NRXN3: variants seen among roughly 807,000 people sequenced by gnomAD.
NRXN3 encodes the protein neurexin III.
NRXN3 carries 32 observed loss-of-function variants against 137.6 expected under a neutral mutation model. That is an observed-to-expected ratio of 0.23 (90% CI 0.18 to 0.31). The LOEUF (loss-of-function observed/expected upper bound fraction) is 0.31. Ranked by LOEUF, NRXN3 falls within the 10% of genes least tolerant of loss-of-function variation. NRXN3 has a pLI of 1.00. For missense variants in NRXN3, 1,574 were observed against 2,062.5 expected, an observed-to-expected ratio of 0.76 and a Z score of 4.59; for synonymous variants, 798 against 784.5, an observed-to-expected ratio of 1.02 and a Z score of -0.29.
intron 8 of NRXN3, among the ~76,000 whole-genome samples, chr14:78,724,769 G>A (rs73317933): frequency 0.15 from 23,536 of 152,192 alleles, 2,050 homozygotes; most frequent in South Asian, 0.27. Context: ...CTGATTTAGA[G>A]GGAGGAAATG....
chr14:78,362,679 T>A lies in NRXN3; in HGVS notation c.757+64819T>A, dbSNP rs148725160. Among the ~76,000 whole-genome samples, 1,038 of 152,294 alleles carry A rather than the reference T, an allele frequency of 6.8e-3. 9 individuals are homozygous for A. Among genetic ancestry groups the A allele is most frequent in the African/African-American group, 0.024 (977 of 41,558 alleles). On this transcript the variant is annotated intron_variant, in intron 4 of 20. Coordinates refer to ENST00000335750, the MANE Select transcript of NRXN3 (RefSeq NM_001330195.2). Reference sequence around the variant, plus strand: ...AAAAAATTGCATAAATCTATAAGAATTTGGTTTTGTTTTAAGGATATGGTT... The same window carrying A: ...AAAAAATTGCATAAATCTATAAGAAATTGGTTTTGTTTTAAGGATATGGTT...
intron 2 of NRXN3, among the ~76,000 whole-genome samples, chr14:78,248,211 A>G (rs956670908): frequency 1.8e-4 from 27 of 150,314 alleles, no homozygotes; most frequent in Non-Finnish European, 3.1e-4. Context: ...CCTCTAGTGA[A>G]GTGTCGTGGT....
chr14:79,174,257 A>G (rs1379045822), intron 15 of NRXN3, among the ~76,000 whole-genome samples: 2 of 152,162 alleles, frequency 1.3e-5, no homozygotes, highest in Non-Finnish European at 2.9e-5. Flanking sequence ...GATAAATATG[A>G]ATAAACAATT....
At chr14:78,536,145 T>C (rs1360263368) in intron 4 of NRXN3, among the ~76,000 whole-genome samples, 2 of 152,196 alleles carry the variant, frequency 1.3e-5, no homozygotes, top group Non-Finnish European at 2.9e-5. Flanking sequence ...TTTTTCTGCC[T>C]GGGGGCTTGC....
chr14:79,584,084 C>A (rs1356892180), intron 16 of NRXN3, among the ~76,000 whole-genome samples: 1 of 133,640 alleles, frequency 7.5e-6, no homozygotes, highest in South Asian at 2.5e-4. Context: ...GAATTTCTGG[C>A]TATTACTAGG....
chr14:78,979,430 A>T (rs747159007), intron 14 of NRXN3, among the ~76,000 whole-genome samples: 2 of 152,194 alleles, frequency 1.3e-5, no homozygotes, highest in Non-Finnish European at 2.9e-5. Flanking sequence ...TATGAGACTT[A>T]TATAAATACA....
At position 79,714,356 on chromosome 14, in the gene NRXN3, G is replaced by A. The variant is rs1387720884; in HGVS notation, c.4014+16419G>A. Among the ~76,000 whole-genome samples the A allele has an allele frequency of 2.0e-5, 3 of 152,324 alleles. No homozygotes were observed. The East Asian group carries it at 5.8e-4, about 29-fold the overall frequency. Reference sequence around the variant, plus strand: ...GTGAGACAATCATGAATAGAAAAGTGCAGAAGGAATTTGATGAGGATGTTC... The same window carrying A: ...GTGAGACAATCATGAATAGAAAAGTACAGAAGGAATTTGATGAGGATGTTC... On this transcript the variant is annotated intron_variant, in intron 19 of 20. Transcript: ENST00000335750.
intron 15 of NRXN3, among the ~76,000 whole-genome samples, chr14:79,065,035 G>A (rs2099679061): frequency 6.6e-6 from 1 of 151,780 alleles, no homozygotes. Context: ...ATTATTTTGA[G>A]TTTGCTGTAG....
At chr14:78,652,647 A>G (rs1566979117) in intron 6 of NRXN3, among the ~76,000 whole-genome samples, 1 of 152,164 alleles carries the variant, frequency 6.6e-6, no homozygotes, top group Non-Finnish European at 1.5e-5. Flanking sequence ...GTTGAACATC[A>G]TTTGTATATG....
At chr14:78,577,056 C>A (rs566382994) in intron 4 of NRXN3, among the ~76,000 whole-genome samples, 1 of 152,130 alleles carries the variant, frequency 6.6e-6, no homozygotes, top group African/African-American at 2.4e-5. Context: ...CAGAATACCC[C>A]CAAAGCTCCC....
intron 15 of NRXN3, among the ~76,000 whole-genome samples, chr14:79,045,022 G>A (rs757330738): frequency 2.6e-5 from 4 of 152,030 alleles, no homozygotes; most frequent in Non-Finnish European, 4.4e-5. Flanking sequence ...AAACCATGGC[G>A]TCTCTTAAAA....
Position 79,030,197 on chromosome 14 carries a change from G to A in NRXN3, c.3262+42056G>A, listed in dbSNP as rs1300073024. Among the ~76,000 whole-genome samples, 5 of 151,052 alleles carry A rather than the reference G, an allele frequency of 3.3e-5. No homozygotes were observed. The South Asian group carries it at 6.3e-4, about 19-fold the overall frequency. On this transcript the variant is annotated intron_variant, in intron 15 of 20. Transcript: ENST00000335750. ...CGCCTGGCCCATTATAGAACATTTA[G>A]CAGCATTCTTAGCCTCTACATAGTA...
At chr14:79,627,633 G>A (rs984523549) in intron 16 of NRXN3, among the ~76,000 whole-genome samples, 2 of 152,124 alleles carry the variant, frequency 1.3e-5, no homozygotes, top group African/African-American at 4.8e-5. Flanking sequence ...TTTGTTCAAT[G>A]AATATGAGAA....
intron 10 of NRXN3, among the ~76,000 whole-genome samples, chr14:78,904,356 T>G (rs2099208008): frequency 6.6e-6 from 1 of 152,062 alleles, no homozygotes. Context: ...CAACTGAGAA[T>G]TGTCCAGCCC....
intron 2 of NRXN3, among the ~76,000 whole-genome samples, chr14:78,270,093 G>C (rs1367767108): frequency 6.6e-6 from 1 of 152,170 alleles, no homozygotes; most frequent in African/African-American, 2.4e-5. Context: ...GGCTCGAAGA[G>C]ATTGGCTAAC....
At chr14:79,051,980 AAG>A (rs1456786729) in intron 15 of NRXN3, among the ~76,000 whole-genome samples, 1 of 152,194 alleles carries the variant, frequency 6.6e-6, no homozygotes, top group Non-Finnish European at 1.5e-5. Context: ...ATGAAACAAA[AAG>A]AGGTTTCTTT....
chr14:79,848,040 C>A (rs1164118322), intron 20 of NRXN3, among the ~76,000 whole-genome samples: 3 of 152,094 alleles, frequency 2.0e-5, no homozygotes, highest in South Asian at 2.1e-4. Context: ...GAATAGGGCA[C>A]AACACAGGTC....
intron 4 of NRXN3, among the ~76,000 whole-genome samples, chr14:78,302,570 C>T (rs1307754865): frequency 1.3e-5 from 2 of 152,200 alleles, no homozygotes; most frequent in African/African-American, 2.4e-5. Context: ...CCTCTCTACA[C>T]TGACCTGTCA....
At chr14:79,731,499 C>CG (rs1345868111) in intron 19 of NRXN3, among the ~76,000 whole-genome samples, 7 of 152,100 alleles carry the variant, frequency 4.6e-5, no homozygotes, top group African/African-American at 9.7e-5. Context: ...TGTTCTTACT[C>CG]GTTCTTTAAA....
Sources: gnomAD v4.1 joint callset for allele counts (sites outside exome capture counted in the v4.1 genomes callset) on GRCh38, gnomAD v4.1.1 for gene constraint, MANE v1.5 for transcripts, NCBI Gene and HGNC (gene_info 2026-07-23, HGNC 2026-07-21) for gene names.